SYCP1: variants seen among roughly 807,000 people sequenced by gnomAD.
SYCP1 encodes the protein cancer/testis antigen 8.
Under a neutral mutation model 153.1 loss-of-function variants are expected in SYCP1, and 64 were observed. The ratio of observed to expected loss-of-function variants is 0.42; its 90% CI spans 0.34 to 0.51. The LOEUF is 0.51. Among genes scored for constraint, SYCP1 ranks in the 20% least tolerant of loss-of-function variants. SYCP1 has a pLI of 0.06. For synonymous variants in SYCP1, 384 were observed against 341.8 expected, an observed-to-expected ratio of 1.12 and a Z score of -1.36; for missense variants, 997 against 1,049.0, an observed-to-expected ratio of 0.95 and a Z score of 0.68.
At chr1:114,993,939 C>T (rs1029783233) in intron 30 of SYCP1, among the ~76,000 whole-genome samples, 1 of 151,432 alleles carries the variant, frequency 6.6e-6, no homozygotes, top group Non-Finnish European at 1.5e-5. Context: ...TATGATTTTC[C>T]CTACACTAAA....
intron 16 of SYCP1, among the ~76,000 whole-genome samples, chr1:114,909,030 A>G (rs1459402455): frequency 1.3e-5 from 2 of 152,296 alleles, no homozygotes; most frequent in Non-Finnish European, 2.9e-5. Context: ...CTCACCTTCT[A>G]TAAATGGTGC....
chr1:114,866,901 T>C (rs887963449), intron 8 of SYCP1, among the ~76,000 whole-genome samples: 3 of 148,910 alleles, frequency 2.0e-5, no homozygotes, highest in Non-Finnish European at 3.0e-5. Flanking sequence ...GTGTCCAGAT[T>C]CTTTTTTTTT....
chr1:114,970,682 T>G (rs1289227822), intron 27 of SYCP1, among the ~76,000 whole-genome samples: 4 of 152,170 alleles, frequency 2.6e-5, no homozygotes, highest in African/African-American at 9.6e-5. Flanking sequence ...TTATTGCTCT[T>G]CTGGGTCTAG....
rs377026636 is a variant in SYCP1 at position 114,911,418 on chromosome 1, T to C, written c.1426-61T>C. On this transcript the variant is annotated intron_variant, in intron 17 of 31. Transcript: ENST00000369522. Reference sequence around the variant, plus strand: ...ATATGACTTAATTACACAGTGACTATACCTTTTAAATGAGAAAATTCGAAA... The same window carrying C: ...ATATGACTTAATTACACAGTGACTACACCTTTTAAATGAGAAAATTCGAAA... The C allele has an allele frequency of 1.3e-4, 178 of 1,337,314 alleles. 1 individual carries two copies. In the East Asian group the frequency reaches 4.1e-3, roughly 31 times the overall value. The allele number at this position is 1,337,314 out of a possible 1,614,324, so 82.8% of individuals were successfully genotyped here.
intron 12 of SYCP1, among the ~76,000 whole-genome samples, chr1:114,878,505 G>T (rs1665693512): frequency 6.6e-6 from 1 of 151,910 alleles, no homozygotes; most frequent in African/African-American, 2.4e-5. Context: ...CAAGTGCCGA[G>T]AACAATGCCT....
chr1:114,957,579 T>C (rs1234633172), intron 27 of SYCP1, among the ~76,000 whole-genome samples: 1 of 151,802 alleles, frequency 6.6e-6, no homozygotes, highest in Non-Finnish European at 1.5e-5. Flanking sequence ...TATAAGAAAC[T>C]CAAACAATTC....
chr1:114,957,717 A>C (rs961198323), intron 27 of SYCP1, among the ~76,000 whole-genome samples: 7 of 152,200 alleles, frequency 4.6e-5, no homozygotes, highest in Admixed American at 3.9e-4. Flanking sequence ...AACACAAATC[A>C]ACACCACCAC....
intron 23 of SYCP1, among the ~76,000 whole-genome samples, chr1:114,938,353 A>G (rs1428729429): frequency 7.0e-6 from 1 of 142,426 alleles, no homozygotes; most frequent in Non-Finnish European, 1.5e-5. Flanking sequence ...AACAATGAGA[A>G]CACTTGGACA....
At chr1:114,876,293 G>C (rs924555481) in intron 10 of SYCP1, among the ~76,000 whole-genome samples, 155 bp downstream of exon 10, 2 of 151,914 alleles carry the variant, frequency 1.3e-5, no homozygotes, top group African/African-American at 4.8e-5. Context: ...TGTGGAATGT[G>C]GCAGGGAATT....
intron 27 of SYCP1, among the ~76,000 whole-genome samples, chr1:114,964,583 T>C (rs1388226535): frequency 6.6e-6 from 1 of 152,162 alleles, no homozygotes; most frequent in Non-Finnish European, 1.5e-5. Context: ...CAGTTTCAGT[T>C]TTCTGCATAT....
intron 16 of SYCP1, among the ~76,000 whole-genome samples, chr1:114,907,655 C>T (rs1667902449): frequency 6.6e-6 from 1 of 150,986 alleles, no homozygotes; most frequent in South Asian, 2.1e-4. Flanking sequence ...GATCTCCGCT[C>T]ACTGCAAGCT....
intron 8 of SYCP1, among the ~76,000 whole-genome samples, chr1:114,863,781 T>C (rs1664534572): frequency 6.6e-6 from 1 of 152,140 alleles, no homozygotes; most frequent in Non-Finnish European, 1.5e-5. Context: ...TGAATGGGTT[T>C]CTTTTTTTTT....
At chr1:114,886,757 TAATC>T (rs1458467949) in intron 14 of SYCP1, among the ~76,000 whole-genome samples, 1 of 151,994 alleles carries the variant, frequency 6.6e-6, no homozygotes, top group Non-Finnish European at 1.5e-5. Context: ...ATTAACCAAT[TAATC>T]AGTATAAATT....
At chr1:114,970,297 AT>A (rs1200500905) in intron 27 of SYCP1, among the ~76,000 whole-genome samples, 17 of 150,512 alleles carry the variant, frequency 1.1e-4, no homozygotes, top group Non-Finnish European at 2.2e-4. Context: ...TTCTTCAGAG[AT>A]TTTTTTTCAA....
intron 12 of SYCP1, among the ~76,000 whole-genome samples, chr1:114,885,137 GT>G (rs1168423124): frequency 6.6e-6 from 1 of 151,800 alleles, no homozygotes; most frequent in African/African-American, 2.4e-5. Context: ...TTTAAATATT[GT>G]TTTAAACCCA....
At chr1:114,976,498 T>C (rs2101931150) in intron 27 of SYCP1, among the ~76,000 whole-genome samples, 1 of 151,904 alleles carries the variant, frequency 6.6e-6, no homozygotes, top group Non-Finnish European at 1.5e-5. Flanking sequence ...TTTACCAAGA[T>C]CTCCAGACGA....
At chr1:114,977,343 A>G (rs528961733) in intron 27 of SYCP1, among the ~76,000 whole-genome samples, 1 of 151,950 alleles carries the variant, frequency 6.6e-6, no homozygotes, top group Admixed American at 6.6e-5. Context: ...GATATACACT[A>G]GAGACTGATT....
chr1:114,928,226 C>A (rs1669384729), intron 23 of SYCP1, among the ~76,000 whole-genome samples: 1 of 152,076 alleles, frequency 6.6e-6, no homozygotes, highest in Non-Finnish European at 1.5e-5. Flanking sequence ...AGGCACAAAA[C>A]CATATGTAGG....
chr1:114,914,093 A>T, intron 20 of SYCP1, 48 bp downstream of exon 20: 1 of 1,402,978 alleles, frequency 7.1e-7, no homozygotes. Context: ...AGATTTTGAT[A>T]TTTCTTTTCT....
Sources: allele counts gnomAD v4.1 joint callset (sites outside exome capture counted in the v4.1 genomes callset), GRCh38; gene constraint gnomAD v4.1.1; transcripts MANE v1.5; gene names NCBI Gene and HGNC (gene_info 2026-07-23, HGNC 2026-07-21).